SH3PXD2A: variants seen among roughly 807,000 people sequenced by gnomAD.
SH3PXD2A encodes SH3 and PX domain-containing protein 2A.
SH3PXD2A carries 32 observed loss-of-function variants against 115.2 expected under a neutral mutation model. The ratio of observed to expected loss-of-function variants is 0.28; its 90% CI spans 0.21 to 0.37. SH3PXD2A has a LOEUF of 0.37. SH3PXD2A is among the 10% of genes least tolerant of loss of function. The probability of loss-of-function intolerance (pLI) is 1.00; values close to 1 mark genes in which losing one functional copy is unlikely to be tolerated. For synonymous variants in SH3PXD2A, 610 were observed against 629.1 expected, an observed-to-expected ratio of 0.97 and a Z score of 0.45; for missense variants, 1,328 against 1,498.7, an observed-to-expected ratio of 0.89 and a Z score of 1.88.
intron 2 of SH3PXD2A, among the ~76,000 whole-genome samples, chr10:103,786,026 A>G (rs948389666): frequency 6.6e-6 from 1 of 151,690 alleles, no homozygotes; most frequent in African/African-American, 2.4e-5. Context: ...CTGAGGAAAG[A>G]GAGACAGAGA....
At chr10:103,813,016 TA>T (rs966926823) in intron 1 of SH3PXD2A, among the ~76,000 whole-genome samples, 17 of 151,994 alleles carry the variant, frequency 1.1e-4, no homozygotes, top group Non-Finnish European at 1.6e-4. Context: ...TGTCTATTGA[TA>T]AAAAAAGGTC....
chr10:103,708,511 G>A (rs1201204156), intron 5 of SH3PXD2A, among the ~76,000 whole-genome samples: 1 of 152,192 alleles, frequency 6.6e-6, no homozygotes, highest in Non-Finnish European at 1.5e-5. Context: ...GGATGGCCTG[G>A]AGGGAGGGAA....
intron 5 of SH3PXD2A, among the ~76,000 whole-genome samples, chr10:103,705,568 C>G (rs1325062922): frequency 2.6e-5 from 4 of 152,164 alleles, no homozygotes; most frequent in African/African-American, 9.7e-5. Context: ...AATGGAGGAT[C>G]AGAGAGAGCA....
intron 1 of SH3PXD2A, among the ~76,000 whole-genome samples, chr10:103,841,564 C>T (rs2039598254): frequency 6.6e-6 from 1 of 152,180 alleles, no homozygotes; most frequent in Non-Finnish European, 1.5e-5. Context: ...CATGAGGCCT[C>T]ACTGCTGAGC....
intron 8 of SH3PXD2A, among the ~76,000 whole-genome samples, chr10:103,647,275 C>T (rs975890840): frequency 1.3e-5 from 2 of 152,298 alleles, no homozygotes; most frequent in East Asian, 3.9e-4. Context: ...CCTCAAATCT[C>T]ACTGTCCTGT....
rs1267623695 is a variant in SH3PXD2A, at chr10:103,790,159, CT to C, written c.153+11122del. On this transcript the variant is annotated intron_variant, in intron 2 of 14. Transcript: ENST00000369774. ...CAGCCAAAAACAGAAAGAGGACTTT[CT>C]TTTTTTTTTTTTGAGATGGAGTCTC... Among the ~76,000 whole-genome samples, 234 of 144,722 alleles carry C rather than the reference CT, an allele frequency of 1.6e-3. 1 individual carries two copies. The highest frequency in any genetic ancestry group is 0.012 in the East Asian group (60 of 4,970). 94.9% of individuals were successfully genotyped at this position (144,722 alleles called of 152,430 possible).
rs764707717 is a variant in SH3PXD2A at position 103,645,216 on chromosome 10, CA to C, written c.604+15766del. Among the ~76,000 whole-genome samples, 121 of 152,218 alleles carry C rather than the reference CA, an allele frequency of 7.9e-4. 2 individuals are homozygous for C. Among genetic ancestry groups the C allele is most frequent in the Non-Finnish European group, 3.2e-4 (22 of 68,040 alleles). On this transcript the variant is annotated intron_variant, in intron 8 of 14. Coordinates refer to ENST00000369774, the MANE Select transcript of SH3PXD2A (RefSeq NM_001394015.1). ...GCTCATCTTGGCATCCTGACAAGCT[CA>C]GACTCTCTGAAGCCCAGCTCCTGGG...
At position 103,843,445 on chromosome 10, in the gene SH3PXD2A, A is replaced by G. The variant is rs147030127; in HGVS notation, c.72+11750T>C. On this transcript the variant is annotated intron_variant, in intron 1 of 14. Transcript: ENST00000369774. ...AGTGCCATGCTATCCACCATCCCCA[A>G]GAGGAGGATGTGGAGACTGGCAGCT... Among the ~76,000 whole-genome samples the G allele has an allele frequency of 1.5e-3, 232 of 152,000 alleles. 2 individuals carry two copies. The highest frequency in any genetic ancestry group is 5.4e-3 in the African/African-American group (223 of 41,472).
chr10:103,791,269 G>T (rs1197660086), intron 2 of SH3PXD2A, among the ~76,000 whole-genome samples: 1 of 152,174 alleles, frequency 6.6e-6, no homozygotes, highest in Non-Finnish European at 1.5e-5. Context: ...CACAAATGAG[G>T]GTCTGATCTG....
At chr10:103,654,166 C>T (rs1478368835) in intron 8 of SH3PXD2A, among the ~76,000 whole-genome samples, 2 of 152,052 alleles carry the variant, frequency 1.3e-5, no homozygotes, top group Non-Finnish European at 2.9e-5. Context: ...CATGAAAGCC[C>T]CCAATCCCAT....
intron 8 of SH3PXD2A, among the ~76,000 whole-genome samples, chr10:103,639,353 T>C (rs1174395652): frequency 2.0e-5 from 3 of 152,208 alleles, no homozygotes; most frequent in Non-Finnish European, 4.4e-5. Context: ...GGCTCATGCC[T>C]GTAATCCTGG....
chr10:103,605,742 A>C, intron 14 of SH3PXD2A, 56 bp downstream of exon 14: 1 of 1,610,160 alleles, frequency 6.2e-7, no homozygotes, highest in Admixed American at 1.7e-5. Context: ...TGGGAAATGC[A>C]GTAGGTTTTC....
chr10:103,596,663 A>ACACACACACTCTCTCTCTCTCTCT lies in SH3PXD2A; in HGVS notation c.*5152_*5153insAGAGAGAGAGAGAGAGTGTGTGTG. The stretch of plus-strand genomic sequence containing the variant: ...CACACACACACACACACACACACAC[A>ACACACACACTCTCTCTCTCTCTCT]CTCTCTCTCTCTCTCTCTCTCTCAC... On this transcript the variant is annotated 3_prime_UTR_variant, in exon 15 of 15. Transcript: ENST00000369774. 3 of 124,440 alleles carry ACACACACACTCTCTCTCTCTCTCT rather than the reference A, an allele frequency of 2.4e-5. No homozygotes were observed. Among genetic ancestry groups the ACACACACACTCTCTCTCTCTCTCT allele is most frequent in the African/African-American group, 6.3e-5 (2 of 31,676 alleles). The allele number at this position is 124,440 out of a possible 1,614,324, so 7.7% of individuals were successfully genotyped here.
chr10:103,744,402 C>T (rs536025981), intron 3 of SH3PXD2A, among the ~76,000 whole-genome samples: 1 of 152,180 alleles, frequency 6.6e-6, no homozygotes, highest in East Asian at 1.9e-4. Flanking sequence ...ATCCGCCCGC[C>T]TCAGCCTCCC....
intron 2 of SH3PXD2A, among the ~76,000 whole-genome samples, chr10:103,774,086 T>C (rs1388578754): frequency 6.6e-6 from 1 of 152,206 alleles, no homozygotes; most frequent in Non-Finnish European, 1.5e-5. Flanking sequence ...CTTGAATCTG[T>C]AAGTTGATAA....
chr10:103,681,481 A>G (rs2134105747), intron 6 of SH3PXD2A, among the ~76,000 whole-genome samples: 1 of 152,354 alleles, frequency 6.6e-6, no homozygotes, highest in South Asian at 2.1e-4. Context: ...TCAAAAATGC[A>G]GATTGGCTGG....
At chr10:103,631,586 C>T (rs746019861) in intron 8 of SH3PXD2A, among the ~76,000 whole-genome samples, 4 of 152,154 alleles carry the variant, frequency 2.6e-5, no homozygotes, top group African/African-American at 4.8e-5. Flanking sequence ...GGTCCCCCAT[C>T]GTGAGCCAAA....
intron 5 of SH3PXD2A, among the ~76,000 whole-genome samples, chr10:103,708,359 G>A (rs925213857): frequency 2.0e-5 from 3 of 152,112 alleles, no homozygotes; most frequent in Non-Finnish European, 4.4e-5. Flanking sequence ...TCTGGTTCCT[G>A]CAGCACCAAC....
At chr10:103,685,228 A>G (rs1033041904) in intron 6 of SH3PXD2A, among the ~76,000 whole-genome samples, 1 of 149,796 alleles carries the variant, frequency 6.7e-6, no homozygotes, top group African/African-American at 2.5e-5. Flanking sequence ...AATTCCATCT[A>G]CTTGGGAGGC....
Sources: gnomAD v4.1 joint callset for allele counts (sites outside exome capture counted in the v4.1 genomes callset) on GRCh38, gnomAD v4.1.1 for gene constraint, MANE v1.5 for transcripts, NCBI Gene and HGNC (gene_info 2026-07-23, HGNC 2026-07-21) for gene names.